Variants in DLGAP3 observed in about 807,000 individuals in gnomAD.
DLGAP3 encodes DLG associated protein 3.
DLGAP3 carries 17 observed loss-of-function variants against 81.2 expected under a neutral mutation model. That is an observed-to-expected ratio of 0.21 (90% CI 0.14 to 0.31). DLGAP3 has a LOEUF of 0.31. Ranked by LOEUF, DLGAP3 falls within the 10% of genes least tolerant of loss-of-function variation. The pLI is 1.00. For missense variants in DLGAP3, 1,124 were observed against 1,388.0 expected, an observed-to-expected ratio of 0.81 and a Z score of 3.02; for synonymous variants, 577 against 587.4, an observed-to-expected ratio of 0.98 and a Z score of 0.26.
Position 34,904,632 on chromosome 1 carries a change from C to T in DLGAP3, c.752G>A (p.Gly251Glu). 3 of 1,614,210 alleles carry T rather than the reference C, an allele frequency of 1.9e-6. No individual in the cohort carries two copies. The highest frequency in any genetic ancestry group is 2.5e-6 in the Non-Finnish European group (3 of 1,180,042). ...GCCTGTGGACTTGGCCTGGTGCCGC[C>T]CATCCCCCTTGCGGTCCTTGCTCTT... ...RSKSKDRKGD[G>E]RHQAKSTGWW... The change falls in exon 3 of 12, where the codon GGG (glycine) becomes GAG (glutamate). Residue 251 changes from glycine (G) to glutamate (E), a missense_variant. By Grantham distance (98) the Gly-to-Glu change is moderately conservative. Coordinates refer to ENST00000373347, the MANE Select transcript of DLGAP3 (RefSeq NM_001080418.3). This position sits in a 1 kb window ranked among gnomAD's most constrained non-coding sequence, Gnocchi z 8.1.
rs764680329 is a variant in DLGAP3, at chr1:34,899,707, A to C, written c.1348T>G (p.Ser450Ala). The C allele has an allele frequency of 6.2e-7, 1 of 1,613,744 alleles. No homozygotes were observed. The highest frequency in any genetic ancestry group is 2.2e-5 in the East Asian group (1 of 44,840). The change falls in exon 5 of 12, where the codon TCC (serine) becomes GCC (alanine). Residue 450 changes from serine to alanine, a missense_variant. Transcript: ENST00000373347. ...AGGGAACGGCTGTAGCCAGGGATGG[A>C]GCTCCGGGGGTGGATCCGGGGTGGG... is the stretch of plus-strand genomic sequence containing the variant. ...CVPPRIHPRS[S>A]IPGYSRSLTT...
intron 5 of DLGAP3, among the ~76,000 whole-genome samples, chr1:34,889,729 T>C (rs1639285108): frequency 6.6e-6 from 1 of 152,210 alleles, no homozygotes; most frequent in Non-Finnish European, 1.5e-5. Context: ...AAACATTGGA[T>C]GAAATATAAC....
intron 1 of DLGAP3, among the ~76,000 whole-genome samples, chr1:34,916,386 C>A (rs1407668918): frequency 6.6e-6 from 1 of 152,240 alleles, no homozygotes; most frequent in East Asian, 1.9e-4. Context: ...CCTTTCAACT[C>A]TGAAGTCTAA....
rs1639014832 is a variant in DLGAP3, at chr1:34,873,927, C to T, written c.2001-4838G>A. On this transcript the variant is annotated intron_variant, in intron 8 of 11. Transcript: ENST00000373347. The surrounding 1 kb of genome is among the most constrained non-coding windows in gnomAD (Gnocchi z 4.2). ...TTTCCCCCTTAGTAACAGAACCCCACCATTTTATGCTGGACACATGGCTAC... is the reference window on the plus strand; with the variant it reads ...TTTCCCCCTTAGTAACAGAACCCCATCATTTTATGCTGGACACATGGCTAC... Among the ~76,000 whole-genome samples, 1 of 152,182 alleles carries T rather than the reference C, an allele frequency of 6.6e-6. No individual in the cohort carries two copies.
chr1:34,916,224 G>A (rs989888813), intron 1 of DLGAP3, among the ~76,000 whole-genome samples: 5 of 152,188 alleles, frequency 3.3e-5, no homozygotes, highest in East Asian at 1.9e-4. Context: ...AGATAGAACC[G>A]CTACAGCATG....
rs1443893998 is a variant in DLGAP3, at chr1:34,867,322, CAG to C, written c.2578-133_2578-132del. 6.5e-6 allele frequency: 9 copies of C among 1,383,058 alleles called. No homozygotes were observed. Among genetic ancestry groups the C allele is most frequent in the South Asian group, 4.7e-5 (4 of 85,130 alleles). The allele number at this position is 1,383,058 out of a possible 1,614,324, so 85.7% of individuals were successfully genotyped here. A position where few individuals can be genotyped will look rare whatever the true frequency, so the allele number is the denominator to read the frequency against. ...GGGAGAGTGGGTGGGGGCTGGGAGACAGGGGGACAAGAGCGAGCCCAGGACTC... is the reference window on the plus strand; with the variant it reads ...GGGAGAGTGGGTGGGGGCTGGGAGACGGGGACAAGAGCGAGCCCAGGACTC... On this transcript the variant is annotated intron_variant, in intron 10 of 11. Transcript: ENST00000373347. This position sits in a 1 kb window ranked among gnomAD's most constrained non-coding sequence, Gnocchi z 4.3.
chr1:34,911,466 C>T (rs568705961), intron 1 of DLGAP3, among the ~76,000 whole-genome samples: 9 of 152,272 alleles, frequency 5.9e-5, no homozygotes, highest in Middle Eastern at 3.4e-3. Flanking sequence ...AATCATCCAT[C>T]CACTATCCCA....
At position 34,904,188 on chromosome 1, in the gene DLGAP3, G is replaced by T; in HGVS notation, c.1107+89C>A. On this transcript the variant is annotated intron_variant, in intron 3 of 11. Coordinates refer to ENST00000373347, the MANE Select transcript of DLGAP3 (RefSeq NM_001080418.3). This position sits in a 1 kb window ranked among gnomAD's most constrained non-coding sequence, Gnocchi z 8.1. ...CAGGCCCTCCATCACAGGGACAGCT[G>T]GCTCCCACCCAACCCTTTCCACTGC... 6.6e-7 allele frequency: 1 copy of T among 1,523,904 alleles called. No homozygotes were observed. Among genetic ancestry groups the T allele is most frequent in the Non-Finnish European group, 9.0e-7 (1 of 1,112,428 alleles). 94.4% of individuals were successfully genotyped at this position (1,523,904 alleles called of 1,614,324 possible). A position where few individuals can be genotyped will look rare whatever the true frequency, so the allele number is the denominator to read the frequency against.
chr1:34,906,016 T>TTATTTATATATATA (rs1553123745), intron 2 of DLGAP3, among the ~76,000 whole-genome samples: 1 of 64,808 alleles, frequency 1.5e-5, no homozygotes, highest in African/African-American at 4.6e-5. Flanking sequence ...GCCTCTAAAT[T>TTATTTATATATATA]TATATATATA....
At position 34,865,978 on chromosome 1, in the gene DLGAP3, G is replaced by A. The variant is rs922891671; in HGVS notation, c.*105C>T. On this transcript the variant is annotated 3_prime_UTR_variant, in exon 12 of 12. Coordinates refer to ENST00000373347, the MANE Select transcript of DLGAP3 (RefSeq NM_001080418.3). ...GGGGGCCGGGGCGTCCGGTGCCGGTGGGGCGGGCGCACGGGGCGGCCCGCG... is the reference window on the plus strand; with the variant it reads ...GGGGGCCGGGGCGTCCGGTGCCGGTAGGGCGGGCGCACGGGGCGGCCCGCG... 1 of 1,007,334 alleles carries A rather than the reference G, an allele frequency of 9.9e-7. No individual in the cohort carries two copies. The allele number at this position is 1,007,334 out of a possible 1,614,324, so 62.4% of individuals were successfully genotyped here.
At chr1:34,893,035 G>A (rs1005185191) in intron 5 of DLGAP3, among the ~76,000 whole-genome samples, 22 of 151,806 alleles carry the variant, frequency 1.4e-4, no homozygotes, top group African/African-American at 4.6e-4. Flanking sequence ...AGCCGGGCGC[G>A]GTGGCGGGCG....
chr1:34,926,505 C>A (rs75013730), intron 1 of DLGAP3, among the ~76,000 whole-genome samples: 11 of 152,210 alleles, frequency 7.2e-5, no homozygotes, highest in Non-Finnish European at 1.2e-4. Flanking sequence ...GTGGAGGGTA[C>A]GCAGCTGTTC....
chr1:34,925,775 G>A lies in DLGAP3; in HGVS notation c.-135+3676C>T, dbSNP rs145917027. Among the ~76,000 whole-genome samples, 670 of 152,150 alleles carry A rather than the reference G, an allele frequency of 4.4e-3. 6 individuals carry two copies. The highest frequency in any genetic ancestry group is 0.015 in the African/African-American group (640 of 41,502). Reference sequence around the variant, plus strand: ...TTGGGAGCTGGGAGCTTGGGCCCCCGACACCATCCCCAGCCCACTTCCACT... The same window carrying A: ...TTGGGAGCTGGGAGCTTGGGCCCCCAACACCATCCCCAGCCCACTTCCACT... On this transcript the variant is annotated intron_variant, in intron 1 of 11. Coordinates refer to ENST00000373347, the MANE Select transcript of DLGAP3 (RefSeq NM_001080418.3).
At chr1:34,890,337 T>C (rs1354369364) in intron 5 of DLGAP3, among the ~76,000 whole-genome samples, 1 of 152,224 alleles carries the variant, frequency 6.6e-6, no homozygotes, top group Non-Finnish European at 1.5e-5. Context: ...TAAATTTCCA[T>C]TGAAGGTGAG....
chr1:34,911,131 A>G (rs1639634211), intron 1 of DLGAP3, among the ~76,000 whole-genome samples: 1 of 151,602 alleles, frequency 6.6e-6, no homozygotes, highest in Admixed American at 6.6e-5. Flanking sequence ...CAGAAGTCAA[A>G]TCCAGTGTTG....
At chr1:34,909,920 A>T (rs1639614419) in intron 1 of DLGAP3, among the ~76,000 whole-genome samples, 1 of 152,124 alleles carries the variant, frequency 6.6e-6, no homozygotes, top group African/African-American at 2.4e-5. Context: ...CCTTGTCCTT[A>T]TCTTGGCCTC....
At chr1:34,896,616 C>CACACACACACAA (rs1491373889) in intron 5 of DLGAP3, among the ~76,000 whole-genome samples, 4 of 149,420 alleles carry the variant, frequency 2.7e-5, no homozygotes, top group African/African-American at 9.7e-5. Flanking sequence ...CACACACACA[C>CACACACACACAA]AAAATCAAAC....
At chr1:34,916,944 C>T (rs1639728258) in intron 1 of DLGAP3, among the ~76,000 whole-genome samples, 1 of 152,176 alleles carries the variant, frequency 6.6e-6, no homozygotes, top group Middle Eastern at 3.4e-3. Flanking sequence ...GTGATCTGCC[C>T]GCCTCAGCTT....
intron 5 of DLGAP3, among the ~76,000 whole-genome samples, chr1:34,892,995 A>C (rs1569627996): frequency 6.6e-6 from 1 of 151,280 alleles, no homozygotes; most frequent in Admixed American, 6.6e-5. Flanking sequence ...ACAAGGTGAA[A>C]CCCCGTCTCT....
Sources: gnomAD v4.1 joint callset for allele counts (sites outside exome capture counted in the v4.1 genomes callset) on GRCh38, gnomAD v4.1.1 for gene constraint, Gnocchi (gnomAD v3.1) non-coding constraint, MANE v1.5 for transcripts, NCBI Gene and HGNC (gene_info 2026-07-23, HGNC 2026-07-21) for gene names.